Variants in DNAJC13 observed in about 807,000 individuals in gnomAD.
The protein encoded by DNAJC13 is DnaJ heat shock protein family (Hsp40) member C13.
In DNAJC13, 75 loss-of-function variants were observed where a neutral mutation model predicts 290.5. The observed-to-expected ratio is 0.26, with a 90% confidence interval of 0.21 to 0.31. DNAJC13 has a LOEUF of 0.31. Among genes scored for constraint, DNAJC13 ranks in the 10% least tolerant of loss-of-function variants. The pLI, the probability that DNAJC13 is intolerant of heterozygous loss-of-function variation, is 1.00. For synonymous variants in DNAJC13, 862 were observed against 892.0 expected (o/e 0.97, Z 0.60); for missense variants, 2,260 against 2,674.5 (o/e 0.85, Z 3.42).
At chr3:132,483,179 G>T (rs1173638206) in intron 27 of DNAJC13, among the ~76,000 whole-genome samples, 196 bp from the exon 28 acceptor site, 1 of 151,926 alleles carries the variant, frequency 6.6e-6, no homozygotes, top group Non-Finnish European at 1.5e-5. Context: ...CTGGCCAGGT[G>T]GTGGGTTTTT....
At chr3:132,481,130 C>T (rs924979248) in intron 26 of DNAJC13, among the ~76,000 whole-genome samples, 2 of 152,206 alleles carry the variant, frequency 1.3e-5, no homozygotes, top group African/African-American at 4.8e-5. Context: ...CAGAGGCTAT[C>T]TTGCCCAAGG....
At chr3:132,527,179 A>G (rs1456978809) in intron 53 of DNAJC13, among the ~76,000 whole-genome samples, 19 of 152,254 alleles carry the variant, frequency 1.2e-4, no homozygotes, top group Admixed American at 1.1e-3. Context: ...GTGTCATAAC[A>G]TCACTTTATT....
At chr3:132,531,212 A>C (rs565059998) in intron 55 of DNAJC13, 115 bp downstream of exon 55, 84 of 839,548 alleles carry the variant, frequency 1.0e-4, no homozygotes, top group Non-Finnish European at 1.5e-4. Flanking sequence ...CTACCAGCTG[A>C]CCTTTCTTGG....
At chr3:132,465,969 C>A (rs1236989901) in intron 17 of DNAJC13, 26 bp from the exon 18 acceptor site, 3 of 1,584,652 alleles carry the variant, frequency 1.9e-6, no homozygotes, top group Non-Finnish European at 2.6e-6. Flanking sequence ...AAGCAGCAAA[C>A]CTTTCTCAAC....
At position 132,422,944 on chromosome 3, in the gene DNAJC13, T is replaced by G. The variant is rs191962123; in HGVS notation, c.-14+5184T>G. 1.5e-3 allele frequency among the ~76,000 whole-genome samples: 222 copies of G among 152,280 alleles called. 1 individual carries two copies. The highest frequency in any genetic ancestry group is 4.8e-3 in the African/African-American group (201 of 41,550). The stretch of plus-strand genomic sequence containing the variant: ...GCACATGCCCAGTGGTAATATCTCT[T>G]TGCAATGGATTAATAAGAGTTTGAT... On this transcript the variant is annotated intron_variant, in intron 1 of 55. Coordinates refer to ENST00000260818, the MANE Select transcript of DNAJC13 (RefSeq NM_015268.4).
intron 5 of DNAJC13, among the ~76,000 whole-genome samples, chr3:132,448,364 G>A (rs1933320154): frequency 6.6e-6 from 1 of 152,128 alleles, no homozygotes; most frequent in African/African-American, 2.4e-5. Flanking sequence ...CTTCTTACAT[G>A]TTCTTGGACT....
In DNAJC13 at chr3:132,538,238, CCT is replaced by C. The variant is rs1330690014; in HGVS notation, c.6690_6691del (p.Pro2231CysfsTer4). 6.2e-7 allele frequency: 1 copy of C among 1,613,946 alleles called. No homozygotes were observed. Among genetic ancestry groups the C allele is most frequent in the East Asian group, 2.2e-5 (1 of 44,866 alleles). ...TSTSVMSNLP[P>X]PVDHEAGDLG... ...TACATCAGTCATGTCTAACCTGCCA[CCT>C]CCTGTAGACCATGAGGCAGGCGACC... is the stretch of plus-strand genomic sequence containing the variant. On this transcript the variant is annotated frameshift_variant, in exon 56 of 56. Transcript: ENST00000260818. LOFTEE classifies it high-confidence loss of function.
intron 14 of DNAJC13, among the ~76,000 whole-genome samples, chr3:132,460,795 CATTTG>C (rs1184272278): frequency 3.9e-5 from 6 of 152,110 alleles, no homozygotes; most frequent in African/African-American, 1.4e-4. Flanking sequence ...TTGTTATACA[CATTTG>C]AGAAGTCTTG....
At chr3:132,514,744 C>G (rs980166489) in intron 46 of DNAJC13, 74 bp downstream of exon 46, 2 of 1,018,332 alleles carry the variant, frequency 2.0e-6, no homozygotes, top group Non-Finnish European at 3.0e-6. Flanking sequence ...ATAGTTGATA[C>G]AAAACCTCAA....
chr3:132,537,535 G>A (rs1936633779), intron 55 of DNAJC13, among the ~76,000 whole-genome samples: 1 of 152,192 alleles, frequency 6.6e-6, no homozygotes, highest in Non-Finnish European at 1.5e-5. Context: ...ATAAATGCTG[G>A]CATATATGGC....
intron 2 of DNAJC13, among the ~76,000 whole-genome samples, chr3:132,446,029 G>C (rs1287351295): frequency 2.0e-5 from 3 of 152,100 alleles, no homozygotes; most frequent in African/African-American, 7.2e-5. Flanking sequence ...AAGATTCCAG[G>C]ATATGGCTGT....
At chr3:132,517,100 A>G (rs1374503599) in intron 48 of DNAJC13, among the ~76,000 whole-genome samples, 1 of 152,266 alleles carries the variant, frequency 6.6e-6, no homozygotes, top group Non-Finnish European at 1.5e-5. Context: ...TATCAAGACT[A>G]TGACAGAAGA....
chr3:132,461,575 T>C (rs1933798877), intron 15 of DNAJC13, among the ~76,000 whole-genome samples: 1 of 152,262 alleles, frequency 6.6e-6, no homozygotes, highest in Non-Finnish European at 1.5e-5. Context: ...CATTATCATA[T>C]TGGTACATTT....
intron 26 of DNAJC13, 44 bp downstream of exon 26, chr3:132,480,514 G>A: frequency 1.4e-6 from 2 of 1,428,786 alleles, no homozygotes; most frequent in Non-Finnish European, 2.0e-6. Flanking sequence ...CGTTCTTTGA[G>A]TATAATTTTA....
chr3:132,512,565 A>C (rs1230241900), intron 44 of DNAJC13, among the ~76,000 whole-genome samples: 2 of 152,202 alleles, frequency 1.3e-5, no homozygotes, highest in African/African-American at 2.4e-5. Context: ...TTGTATATTC[A>C]TACCAGTTTG....
intron 30 of DNAJC13, 85 bp from the exon 31 acceptor site, chr3:132,488,891 A>G: frequency 3.1e-6 from 3 of 983,174 alleles, no homozygotes; most frequent in East Asian, 5.0e-5. Context: ...TTATTTAGCT[A>G]TAAAAGATCT....
intron 1 of DNAJC13, among the ~76,000 whole-genome samples, chr3:132,424,262 A>G (rs2107639756): frequency 1.3e-5 from 2 of 152,258 alleles, no homozygotes. Flanking sequence ...AGAAAATTTG[A>G]ATTTTTTTAA....
chr3:132,516,955 T>A, intron 48 of DNAJC13, 139 bp downstream of exon 48: 1 of 713,454 alleles, frequency 1.4e-6, no homozygotes, highest in Non-Finnish European at 2.3e-6. Flanking sequence ...AAATTCACAT[T>A]CCGGGAATTG....
Position 132,473,317 on chromosome 3 carries a change from C to A in DNAJC13, c.2291+90C>A, listed in dbSNP as rs538725032. ...ACGTTCTTCTTCCCTGAAACTGTTG[C>A]TTTATGCCACATGTATTTTTATGCC... On this transcript the variant is annotated intron_variant, in intron 21 of 55. Transcript: ENST00000260818. 14 of 845,236 alleles carry A rather than the reference C, an allele frequency of 1.7e-5. No individual in the cohort carries two copies. In the African/African-American group the frequency reaches 2.3e-4, roughly 14 times the overall value. 52.4% of individuals were successfully genotyped at this position (845,236 alleles called of 1,614,324 possible). A position where few individuals can be genotyped will look rare whatever the true frequency, so the allele number is the denominator to read the frequency against.
Sources: allele counts gnomAD v4.1 joint callset (sites outside exome capture counted in the v4.1 genomes callset), GRCh38; gene constraint gnomAD v4.1.1; transcripts MANE v1.5; gene names NCBI Gene and HGNC (gene_info 2026-07-23, HGNC 2026-07-21).